DGKB: variants seen among roughly 807,000 people sequenced by gnomAD.
The protein encoded by DGKB is 90 kDa diacylglycerol kinase.
Under a neutral mutation model 114.3 loss-of-function variants are expected in DGKB, and 67 were observed. The observed-to-expected ratio is 0.59, with a 90% CI of 0.48 to 0.72. The LOEUF is 0.72. Among genes scored for constraint, DGKB ranks in the 30% least tolerant of loss-of-function variants. The probability of loss-of-function intolerance (pLI) is 0.00; values close to 1 mark genes in which losing one functional copy is unlikely to be tolerated. For synonymous variants in DGKB, 398 were observed against 323.1 expected (o/e 1.23, Z -2.49); for missense variants, 907 against 975.2 (o/e 0.93, Z 0.93).
rs77138217 is a variant in DGKB at position 14,434,693 on chromosome 7, A to G, written c.1835+43468T>C. ...TGTGTATGTTGTTTTAAGTTACTAA[A>G]TTTTAATTGATTTATTACAGCAGAA... On this transcript the variant is annotated intron_variant, in intron 21 of 25. Transcript: ENST00000402815. Among the ~76,000 whole-genome samples, 1,408 of 152,228 alleles carry G rather than the reference A, an allele frequency of 9.2e-3. 24 individuals are homozygous for G. Among genetic ancestry groups the G allele is most frequent in the African/African-American group, 0.032 (1,348 of 41,524 alleles).
chr7:14,908,738 T>C (rs1042521307), intron 1 of DGKB, among the ~76,000 whole-genome samples: 2 of 152,146 alleles, frequency 1.3e-5, no homozygotes, highest in Admixed American at 1.3e-4. Context: ...TAAAGACAGG[T>C]AACTTGAAAG....
intron 21 of DGKB, among the ~76,000 whole-genome samples, chr7:14,418,594 T>C (rs949602988): frequency 6.6e-6 from 1 of 151,790 alleles, no homozygotes; most frequent in Non-Finnish European, 1.5e-5. Context: ...TATCAGTCCA[T>C]TTATTTCTTT....
At chr7:14,724,643 A>G (rs1461449980) in intron 5 of DGKB, among the ~76,000 whole-genome samples, 3 of 152,252 alleles carry the variant, frequency 2.0e-5, no homozygotes, top group Non-Finnish European at 4.4e-5. Flanking sequence ...AAGGAACAAC[A>G]TTAATAACAG....
At chr7:14,211,434 C>G (rs1171597570) in intron 23 of DGKB, among the ~76,000 whole-genome samples, 1 of 70,630 alleles carries the variant, frequency 1.4e-5, no homozygotes, top group Non-Finnish European at 2.5e-5. Context: ...ATTTTACTCT[C>G]GTGTTTTGTG....
At chr7:14,678,797 T>G (rs1820325563) in intron 12 of DGKB, among the ~76,000 whole-genome samples, 1 of 151,936 alleles carries the variant, frequency 6.6e-6, no homozygotes, top group African/African-American at 2.4e-5. Context: ...CAAGAGGTGC[T>G]AAGAGCTTGC....
chr7:14,262,944 C>T (rs116918446), intron 23 of DGKB, among the ~76,000 whole-genome samples: 1 of 152,030 alleles, frequency 6.6e-6, no homozygotes, highest in Non-Finnish European at 1.5e-5. Context: ...ACAATTCTCC[C>T]ATTACACATC....
intron 5 of DGKB, among the ~76,000 whole-genome samples, chr7:14,721,095 A>T (rs1352235320): frequency 6.6e-6 from 1 of 152,214 alleles, no homozygotes; most frequent in East Asian, 1.9e-4. Context: ...AAATGATTTA[A>T]TCAGCTTGAT....
chr7:14,642,833 T>G (rs1023326231), intron 13 of DGKB, among the ~76,000 whole-genome samples: 2 of 152,262 alleles, frequency 1.3e-5, no homozygotes, highest in Non-Finnish European at 2.9e-5. Flanking sequence ...AAATCATTCA[T>G]GAATACATAA....
At chr7:14,687,712 A>G (rs1169323708) in intron 9 of DGKB, among the ~76,000 whole-genome samples, 2 of 152,148 alleles carry the variant, frequency 1.3e-5, no homozygotes, top group African/African-American at 4.8e-5. Flanking sequence ...AAGGACAAAA[A>G]GCTAATTTTC....
rs77298623 is a variant in DGKB, at chr7:14,267,683, G to T, written c.2122+70832C>A. ...TTTTGTATTTTTTAGCAGAGACGGG[G>T]TTTTACCGTGTTAGCCAGGATGGTC... On this transcript the variant is annotated intron_variant, in intron 23 of 25. Coordinates refer to ENST00000402815, the MANE Select transcript of DGKB (RefSeq NM_001350709.2). 3.8e-3 allele frequency among the ~76,000 whole-genome samples: 578 copies of T among 151,910 alleles called. 2 individuals carry two copies. The highest frequency in any genetic ancestry group is 0.012 in the African/African-American group (507 of 41,408).
chr7:14,734,163 T>C (rs1006272100), intron 5 of DGKB, among the ~76,000 whole-genome samples: 1 of 151,588 alleles, frequency 6.6e-6, no homozygotes, highest in African/African-American at 2.4e-5. Flanking sequence ...GCCTCCCAAG[T>C]AGCTGGGATT....
intron 2 of DGKB, among the ~76,000 whole-genome samples, chr7:14,804,768 G>A (rs536725963): frequency 6.6e-6 from 1 of 151,864 alleles, no homozygotes; most frequent in African/African-American, 2.4e-5. Flanking sequence ...TAATCTCTTT[G>A]ATTGTTTCCA....
chr7:14,296,171 A>G (rs965218780), intron 23 of DGKB, among the ~76,000 whole-genome samples: 5 of 151,900 alleles, frequency 3.3e-5, no homozygotes, highest in African/African-American at 9.7e-5. Flanking sequence ...AGCTGGGACT[A>G]CAGGTGTGTG....
chr7:14,531,604 T>G (rs1399464365), intron 20 of DGKB, among the ~76,000 whole-genome samples: 8 of 151,170 alleles, frequency 5.3e-5, no homozygotes, highest in African/African-American at 1.9e-4. Context: ...AAAATAAAAA[T>G]GCCAAGATAG....
intron 20 of DGKB, among the ~76,000 whole-genome samples, chr7:14,562,763 ACAGGCTCATAGG>A (rs1212152684): frequency 3.2e-4 from 49 of 152,276 alleles, no homozygotes; most frequent in African/African-American, 1.1e-3. Context: ...CTTTGATTTT[ACAGGCTCATAGG>A]CAGAAGGGAC....
intron 20 of DGKB, among the ~76,000 whole-genome samples, chr7:14,562,517 C>A (rs1031911194): frequency 2.0e-5 from 3 of 152,152 alleles, no homozygotes; most frequent in African/African-American, 7.2e-5. Flanking sequence ...GGAAGATGTA[C>A]CCTGCAAAGA....
intron 20 of DGKB, among the ~76,000 whole-genome samples, chr7:14,543,233 C>T (rs1464116820): frequency 6.6e-6 from 1 of 151,950 alleles, no homozygotes; most frequent in Non-Finnish European, 1.5e-5. Flanking sequence ...CGCTTGAGGC[C>T]AGGAGTTGGA....
intron 20 of DGKB, among the ~76,000 whole-genome samples, chr7:14,481,286 C>A (rs1034262133): frequency 6.6e-6 from 1 of 151,968 alleles, no homozygotes; most frequent in East Asian, 1.9e-4. Flanking sequence ...TGCCCTAAAT[C>A]TCCAAATTTG....
intron 5 of DGKB, among the ~76,000 whole-genome samples, chr7:14,730,477 T>C (rs372689472): frequency 4.6e-5 from 7 of 152,300 alleles, no homozygotes; most frequent in African/African-American, 1.7e-4. Flanking sequence ...TAAGGAAGCA[T>C]TGGGTTTTCA....
Sources: allele counts gnomAD v4.1 joint callset (sites outside exome capture counted in the v4.1 genomes callset), GRCh38; gene constraint gnomAD v4.1.1; transcripts MANE v1.5; gene names NCBI Gene and HGNC (gene_info 2026-07-23, HGNC 2026-07-21).